ZBTB20: variants seen among roughly 807,000 people sequenced by gnomAD.
ZBTB20 encodes the protein zinc finger and BTB domain containing 20.
Under a neutral mutation model 56.9 loss-of-function variants are expected in ZBTB20, and 9 were observed. The ratio of observed to expected loss-of-function variants is 0.16; its 90% CI spans 0.10 to 0.28. The LOEUF is 0.28. Ranked by LOEUF, ZBTB20 falls within the 10% of genes least tolerant of loss-of-function variation. ZBTB20 has a pLI of 1.00. For synonymous variants in ZBTB20, 417 were observed against 420.7 expected, an observed-to-expected ratio of 0.99 and a Z score of 0.11; for missense variants, 655 against 1,003.0, an observed-to-expected ratio of 0.65 and a Z score of 4.69.
intron 2 of ZBTB20, among the ~76,000 whole-genome samples, chr3:115,036,285 C>G (rs2080915324): frequency 6.6e-6 from 1 of 151,904 alleles, no homozygotes; most frequent in Admixed American, 6.6e-5. Context: ...GAAAGAAAAG[C>G]TTTGTGATTT....
At chr3:114,837,443 T>A (rs891665125) in intron 4 of ZBTB20, among the ~76,000 whole-genome samples, 5 of 152,164 alleles carry the variant, frequency 3.3e-5, no homozygotes, top group African/African-American at 1.2e-4. Context: ...GGGCTCAGTA[T>A]AGGTAGGTGC....
At chr3:115,108,113 G>A (rs1398645340) in intron 1 of ZBTB20, among the ~76,000 whole-genome samples, 1 of 151,430 alleles carries the variant, frequency 6.6e-6, no homozygotes, top group African/African-American at 2.4e-5. Flanking sequence ...TGTAACAAAT[G>A]TAGAGGTTCT....
At chr3:114,743,040 G>A (rs536203156) in intron 5 of ZBTB20, among the ~76,000 whole-genome samples, 13 of 152,166 alleles carry the variant, frequency 8.5e-5, no homozygotes, top group African/African-American at 2.9e-4. Flanking sequence ...GATTTTTGGA[G>A]AAGTAATATA....
At chr3:114,819,283 G>A (rs964036055) in intron 4 of ZBTB20, among the ~76,000 whole-genome samples, 1 of 151,872 alleles carries the variant, frequency 6.6e-6, no homozygotes, top group Non-Finnish European at 1.5e-5. Context: ...TACTAATACT[G>A]ATTTATAGGT....
chr3:114,443,706 A>C (rs1267395910), intron 7 of ZBTB20, among the ~76,000 whole-genome samples: 1 of 152,214 alleles, frequency 6.6e-6, no homozygotes, highest in African/African-American at 2.4e-5. Flanking sequence ...GAGGCAGGGG[A>C]ATATTAATAA....
rs1577530563 is a variant in ZBTB20, at chr3:114,557,184, T to C, written c.-294-56793A>G. Among the ~76,000 whole-genome samples the C allele has an allele frequency of 3.3e-5, 5 of 152,154 alleles. No homozygotes were observed. The East Asian group carries it at 9.6e-4, about 29-fold the overall frequency. On this transcript the variant is annotated intron_variant, in intron 6 of 11. Coordinates refer to ENST00000675478, the MANE Select transcript of ZBTB20 (RefSeq NM_001348800.3). The stretch of plus-strand genomic sequence containing the variant: ...ACTGGTTGTTATGAGTTCTGTATTC[T>C]CTTTTCAGCTTTGATATGCTCTCAT...
chr3:114,642,970 A>G (rs1357479017), intron 6 of ZBTB20, among the ~76,000 whole-genome samples: 1 of 152,100 alleles, frequency 6.6e-6, no homozygotes, highest in Non-Finnish European at 1.5e-5. Context: ...CGATATATCA[A>G]AAAGGTTGCA....
At chr3:114,749,325 G>T (rs1179161569) in intron 5 of ZBTB20, among the ~76,000 whole-genome samples, 1 of 152,118 alleles carries the variant, frequency 6.6e-6, no homozygotes, top group African/African-American at 2.4e-5. Context: ...AGGCCAAGGT[G>T]GGCGGATCAC....
chr3:114,399,415 T>C (rs1202430543), intron 7 of ZBTB20, among the ~76,000 whole-genome samples: 3 of 152,176 alleles, frequency 2.0e-5, no homozygotes, highest in Non-Finnish European at 2.9e-5. Context: ...AATAGAAGGA[T>C]AATGGTAAAA....
chr3:114,444,620 G>C (rs919987984), intron 7 of ZBTB20, among the ~76,000 whole-genome samples: 1 of 152,100 alleles, frequency 6.6e-6, no homozygotes, highest in Non-Finnish European at 1.5e-5. Context: ...TGCTCATCTT[G>C]AAAGCATTTT....
intron 2 of ZBTB20, among the ~76,000 whole-genome samples, chr3:115,057,949 A>G (rs1225996251): frequency 6.6e-6 from 1 of 152,174 alleles, no homozygotes; most frequent in African/African-American, 2.4e-5. Flanking sequence ...CAGGAAACTT[A>G]CAATCATGAT....
intron 11 of ZBTB20, among the ~76,000 whole-genome samples, chr3:114,344,079 G>A (rs753001936): frequency 6.6e-6 from 1 of 152,156 alleles, no homozygotes; most frequent in Non-Finnish European, 1.5e-5. Context: ...ACACACCTGA[G>A]ATATCAGCGG....
intron 5 of ZBTB20, among the ~76,000 whole-genome samples, chr3:114,755,241 C>T (rs1476059533): frequency 2.6e-5 from 4 of 152,134 alleles, no homozygotes; most frequent in African/African-American, 7.2e-5. Flanking sequence ...AGAGAAGAGA[C>T]TAGCCTATTA....
intron 2 of ZBTB20, among the ~76,000 whole-genome samples, chr3:115,025,493 A>G (rs1276961920): frequency 6.6e-6 from 1 of 151,184 alleles, no homozygotes; most frequent in Non-Finnish European, 1.5e-5. Flanking sequence ...CACATGAAAT[A>G]GCAAGGAATG....
At chr3:114,764,856 G>A (rs1235519917) in intron 5 of ZBTB20, among the ~76,000 whole-genome samples, 5 of 152,090 alleles carry the variant, frequency 3.3e-5, no homozygotes, top group Non-Finnish European at 5.9e-5. Flanking sequence ...GAGCCCTTGG[G>A]AAATGAAAAG....
intron 7 of ZBTB20, among the ~76,000 whole-genome samples, chr3:114,479,746 C>A (rs2041313566): frequency 1.3e-5 from 2 of 152,174 alleles, no homozygotes; most frequent in African/African-American, 4.8e-5. Flanking sequence ...TGAAAAACTG[C>A]TCAGCAAATG....
At chr3:114,584,690 G>A (rs1189306643) in intron 6 of ZBTB20, among the ~76,000 whole-genome samples, 1 of 152,166 alleles carries the variant, frequency 6.6e-6, no homozygotes, top group Non-Finnish European at 1.5e-5. Flanking sequence ...CTAAAAGAAA[G>A]TTAAGCCTCA....
intron 5 of ZBTB20, among the ~76,000 whole-genome samples, chr3:114,741,818 T>C (rs1051698878): frequency 8.7e-5 from 13 of 149,596 alleles, no homozygotes; most frequent in East Asian, 2.0e-4. Flanking sequence ...GAGGCGGAGG[T>C]TGCAGCAAGC....
At chr3:114,616,570 C>A (rs1213839968) in intron 6 of ZBTB20, among the ~76,000 whole-genome samples, 1 of 152,188 alleles carries the variant, frequency 6.6e-6, no homozygotes, top group Non-Finnish European at 1.5e-5. Flanking sequence ...TTCCTCTCTC[C>A]ATTCCAGAAA....
Sources: allele counts gnomAD v4.1 joint callset (sites outside exome capture counted in the v4.1 genomes callset), GRCh38; gene constraint gnomAD v4.1.1; transcripts MANE v1.5; gene names NCBI Gene and HGNC (gene_info 2026-07-23, HGNC 2026-07-21).